Variants in RBMS3 observed in about 807,000 individuals in gnomAD.
The protein encoded by RBMS3 is RNA-binding motif, single-stranded-interacting protein 3.
A neutral mutation model predicts 66.8 loss-of-function variants in RBMS3; 27 were observed. That is an observed-to-expected ratio of 0.40 (90% CI 0.30 to 0.56). RBMS3 has a LOEUF of 0.56. Ranked by LOEUF, RBMS3 falls within the 20% of genes least tolerant of loss-of-function variation. The pLI is 0.40. For synonymous variants in RBMS3, 188 were observed against 183.0 expected (o/e 1.03, Z -0.22); for missense variants, 513 against 549.5 (o/e 0.93, Z 0.66).
chr3:29,370,086 T>G (rs754232454), intron 1 of RBMS3, among the ~76,000 whole-genome samples: 2 of 152,212 alleles, frequency 1.3e-5, no homozygotes, highest in Non-Finnish European at 2.9e-5. Context: ...CCCGGCCTCA[T>G]GACAGGTGTT....
At chr3:29,596,548 A>G (rs1388632837) in intron 4 of RBMS3, among the ~76,000 whole-genome samples, 1 of 152,210 alleles carries the variant, frequency 6.6e-6, no homozygotes, top group African/African-American at 2.4e-5. Flanking sequence ...GGAGGTAGGT[A>G]TTATTATTCC....
intron 3 of RBMS3, among the ~76,000 whole-genome samples, chr3:29,580,217 A>G (rs146739889): frequency 1.3e-5 from 2 of 152,280 alleles, no homozygotes; most frequent in East Asian, 3.9e-4. Context: ...AAATATATTG[A>G]GTTTTCCCCC....
intron 1 of RBMS3, among the ~76,000 whole-genome samples, chr3:29,387,278 A>C (rs2039052974): frequency 6.6e-6 from 1 of 152,192 alleles, no homozygotes; most frequent in Non-Finnish European, 1.5e-5. Flanking sequence ...AGGAATTCCA[A>C]AGTTAACATG....
At chr3:29,567,749 G>C (rs1412678166) in intron 3 of RBMS3, among the ~76,000 whole-genome samples, 5 of 151,722 alleles carry the variant, frequency 3.3e-5, no homozygotes, top group Non-Finnish European at 4.4e-5. Context: ...GCCTCTCTCT[G>C]TGCAATTTTT....
chr3:29,621,633 C>G (rs2048867426), intron 4 of RBMS3, among the ~76,000 whole-genome samples: 1 of 152,244 alleles, frequency 6.6e-6, no homozygotes, highest in Non-Finnish European at 1.5e-5. Context: ...AGTCTCCTGA[C>G]AGCATAATAC....
At chr3:29,873,434 A>AT (rs2059538761) in intron 7 of RBMS3, among the ~76,000 whole-genome samples, 2 of 152,186 alleles carry the variant, frequency 1.3e-5, no homozygotes, top group African/African-American at 4.8e-5. Context: ...TTGTACGTTG[A>AT]TTTTGTATCC....
rs568322755 is a variant in RBMS3 at position 29,571,931 on chromosome 3, T to G, written c.308-15183T>G. On this transcript the variant is annotated intron_variant, in intron 3 of 14. Transcript: ENST00000383767. ...CACAAACATGGAATATTTTTAATTT[T>G]TTTTGTGTCCTCTTCAATTTCTTTT... is the stretch of plus-strand genomic sequence containing the variant. Among the ~76,000 whole-genome samples, 188 of 152,056 alleles carry G rather than the reference T, an allele frequency of 1.2e-3. 1 individual carries two copies. Among genetic ancestry groups the G allele is most frequent in the African/African-American group, 4.2e-3 (173 of 41,388 alleles).
At chr3:29,359,967 G>C (rs9818338) in intron 1 of RBMS3, among the ~76,000 whole-genome samples, 1 of 151,694 alleles carries the variant, frequency 6.6e-6, no homozygotes, top group African/African-American at 2.4e-5. Flanking sequence ...CTAGCAGTCT[G>C]TCAATTTTGT....
intron 10 of RBMS3, among the ~76,000 whole-genome samples, chr3:29,902,827 G>T (rs577501973): frequency 1.3e-5 from 2 of 151,984 alleles, no homozygotes; most frequent in East Asian, 3.9e-4. Context: ...AGCCCTTCGG[G>T]TTCTCTCTCA....
chr3:29,959,374 G>C (rs897339940), intron 12 of RBMS3, among the ~76,000 whole-genome samples: 4 of 152,150 alleles, frequency 2.6e-5, no homozygotes, highest in African/African-American at 9.7e-5. Context: ...GAGCTTGTTA[G>C]ACATACAGAT....
At chr3:29,811,891 G>A (rs2057739998) in intron 6 of RBMS3, among the ~76,000 whole-genome samples, 1 of 152,102 alleles carries the variant, frequency 6.6e-6, no homozygotes, top group South Asian at 2.1e-4. Flanking sequence ...GGTATGCTCT[G>A]CCGTTTCTTA....
chr3:29,477,552 C>T (rs2042989297), intron 2 of RBMS3, among the ~76,000 whole-genome samples: 1 of 151,944 alleles, frequency 6.6e-6, no homozygotes, highest in Non-Finnish European at 1.5e-5. Flanking sequence ...TAGTACAATA[C>T]AATACAGTAC....
intron 3 of RBMS3, among the ~76,000 whole-genome samples, chr3:29,564,103 G>A (rs2046654176): frequency 6.6e-6 from 1 of 152,094 alleles, no homozygotes; most frequent in African/African-American, 2.4e-5. Flanking sequence ...TTGTGATTGA[G>A]TCTTTTAAAA....
intron 1 of RBMS3, among the ~76,000 whole-genome samples, chr3:29,345,971 G>A (rs1330730729): frequency 6.6e-6 from 1 of 152,212 alleles, no homozygotes; most frequent in African/African-American, 2.4e-5. Context: ...CTTTTATCAA[G>A]AGGATACTGC....
At chr3:29,387,656 A>G (rs2039068488) in intron 1 of RBMS3, among the ~76,000 whole-genome samples, 1 of 152,116 alleles carries the variant, frequency 6.6e-6, no homozygotes, top group African/African-American at 2.4e-5. Context: ...TAATCCCAGC[A>G]CTTTGGGAGG....
intron 4 of RBMS3, among the ~76,000 whole-genome samples, chr3:29,595,242 C>CA (rs200219913): frequency 0.014 from 2,071 of 151,460 alleles, 35 homozygotes; most frequent in African/African-American, 0.048. Context: ...ACTAAAAATA[C>CA]AAAAAAATTA....
chr3:29,773,286 T>G (rs2056288086), intron 6 of RBMS3, among the ~76,000 whole-genome samples: 1 of 152,038 alleles, frequency 6.6e-6, no homozygotes, highest in Non-Finnish European at 1.5e-5. Flanking sequence ...AGACACACAT[T>G]AAAAATTTAG....
intron 3 of RBMS3, among the ~76,000 whole-genome samples, chr3:29,491,609 G>A (rs2043546300): frequency 6.6e-6 from 1 of 152,184 alleles, no homozygotes; most frequent in South Asian, 2.1e-4. Flanking sequence ...AGAGAAGGAG[G>A]TAAAAAAGGA....
chr3:29,961,146 C>G (rs531995932), intron 12 of RBMS3, among the ~76,000 whole-genome samples: 1 of 152,076 alleles, frequency 6.6e-6, no homozygotes, highest in African/African-American at 2.4e-5. Flanking sequence ...CACCAGATAC[C>G]GTAAATCATC....
Sources: allele counts gnomAD v4.1 joint callset (sites outside exome capture counted in the v4.1 genomes callset), GRCh38; gene constraint gnomAD v4.1.1; transcripts MANE v1.5; gene names NCBI Gene and HGNC (gene_info 2026-07-23, HGNC 2026-07-21).